The following CDH8 variants were observed in gnomAD, a reference collection of about 807,000 sequenced individuals.
The protein encoded by CDH8 is cadherin-8.
A neutral mutation model predicts 68.1 loss-of-function variants in CDH8; 17 were observed. The observed-to-expected ratio is 0.25, with a 90% CI of 0.17 to 0.37. The LOEUF is 0.37. Ranked by LOEUF, CDH8 falls within the 10% of genes least tolerant of loss-of-function variation. CDH8 has a pLI of 1.00. For synonymous variants in CDH8, 372 were observed against 365.1 expected (o/e 1.02, Z -0.21); for missense variants, 763 against 999.3 (o/e 0.76, Z 3.19).
chr16:61,939,155 T>C (rs780484101), intron 2 of CDH8, among the ~76,000 whole-genome samples: 4 of 152,184 alleles, frequency 2.6e-5, no homozygotes, highest in African/African-American at 7.2e-5. Flanking sequence ...TGGGTATCAA[T>C]ATAGATATTG....
At chr16:62,028,216 C>T (rs1486295189) in intron 1 of CDH8, among the ~76,000 whole-genome samples, 3 of 151,916 alleles carry the variant, frequency 2.0e-5, no homozygotes, top group Non-Finnish European at 4.4e-5. Context: ...AGGCACCCGC[C>T]ACAATGCCCG....
intron 8 of CDH8, among the ~76,000 whole-genome samples, chr16:61,733,587 T>C (rs550245013): frequency 2.0e-4 from 31 of 152,158 alleles, no homozygotes; most frequent in African/African-American, 7.2e-4. Context: ...CATTCATATA[T>C]CTAAAGTCAT....
intron 4 of CDH8, among the ~76,000 whole-genome samples, chr16:61,835,803 A>G (rs200464566): frequency 6.6e-6 from 1 of 151,962 alleles, no homozygotes; most frequent in East Asian, 1.9e-4. Flanking sequence ...GTCACTACAA[A>G]ATTGGATGCT....
At chr16:61,908,042 C>CAAAAAA (rs547459147) in intron 2 of CDH8, among the ~76,000 whole-genome samples, 2 of 91,608 alleles carry the variant, frequency 2.2e-5, no homozygotes, top group African/African-American at 4.1e-5. Context: ...GACTCAGTCT[C>CAAAAAA]AAAAAAAAAA....
chr16:61,710,440 A>G (rs114017403), intron 10 of CDH8, among the ~76,000 whole-genome samples: 57 of 152,204 alleles, frequency 3.7e-4, no homozygotes, highest in African/African-American at 1.3e-3. Context: ...ACATTATTCA[A>G]ATTAATTATC....
At chr16:61,858,016 T>C (rs1445724941) in intron 3 of CDH8, among the ~76,000 whole-genome samples, 3 of 151,766 alleles carry the variant, frequency 2.0e-5, no homozygotes, top group South Asian at 2.1e-4. Flanking sequence ...TTAAAAAAAA[T>C]AACTTCCACC....
chr16:61,754,817 G>C (rs1960269222), intron 8 of CDH8, among the ~76,000 whole-genome samples: 1 of 152,022 alleles, frequency 6.6e-6, no homozygotes, highest in Admixed American at 6.6e-5. Flanking sequence ...CAGGTTACCT[G>C]GGTATATTGT....
intron 2 of CDH8, among the ~76,000 whole-genome samples, chr16:61,951,021 G>A (rs563595499): frequency 5.3e-5 from 8 of 151,664 alleles, no homozygotes; most frequent in East Asian, 1.9e-4. Context: ...TAACAAACCT[G>A]TACACTTACC....
intron 3 of CDH8, among the ~76,000 whole-genome samples, chr16:61,888,482 T>A (rs1416887450): frequency 2.0e-5 from 3 of 152,182 alleles, no homozygotes; most frequent in Non-Finnish European, 4.4e-5. Flanking sequence ...TTGTTATGTA[T>A]GTAAGACTGT....
intron 10 of CDH8, among the ~76,000 whole-genome samples, chr16:61,687,300 C>A (rs527285677): frequency 6.6e-6 from 1 of 151,944 alleles, no homozygotes; most frequent in African/African-American, 2.4e-5. Context: ...AGAGTCAATT[C>A]TTTACTTAAT....
In CDH8 at chr16:61,868,860, A is replaced by G. The variant is rs545108281; in HGVS notation, c.548-11622T>C. Among the ~76,000 whole-genome samples the G allele has an allele frequency of 1.1e-4, 17 of 152,282 alleles. 1 individual carries two copies. In the South Asian group the frequency reaches 3.5e-3, roughly 32 times the overall value. The stretch of plus-strand genomic sequence containing the variant: ...AAAATCTTGGCAAACACAAAATAAT[A>G]TGTGAAAGGCTAAGCAATGGGTTTA... On this transcript the variant is annotated intron_variant, in intron 3 of 11. Coordinates refer to ENST00000577390, the MANE Select transcript of CDH8 (RefSeq NM_001796.5).
intron 2 of CDH8, among the ~76,000 whole-genome samples, chr16:61,917,897 G>A (rs926213966): frequency 1.3e-5 from 2 of 151,392 alleles, no homozygotes; most frequent in African/African-American, 2.4e-5. Flanking sequence ...AGCAGAACTC[G>A]TAGAATAGTC....
intron 2 of CDH8, among the ~76,000 whole-genome samples, chr16:61,919,804 G>C (rs75084632): frequency 0.1 from 15,398 of 152,036 alleles, 1,047 homozygotes; most frequent in East Asian, 0.29. Context: ...AAAGAACAAA[G>C]AAACAAAAGA....
At chr16:62,017,110 A>G (rs1901960410) in intron 2 of CDH8, among the ~76,000 whole-genome samples, 1 of 152,138 alleles carries the variant, frequency 6.6e-6, no homozygotes, top group Non-Finnish European at 1.5e-5. Context: ...TAAATTATTC[A>G]TTTATTTTTT....
chr16:61,689,238 A>T (rs1964169316), intron 10 of CDH8, among the ~76,000 whole-genome samples: 1 of 152,020 alleles, frequency 6.6e-6, no homozygotes, highest in African/African-American at 2.4e-5. Flanking sequence ...AATCAAAATG[A>T]TTCCAGTTTG....
intron 8 of CDH8, among the ~76,000 whole-genome samples, chr16:61,780,066 G>A (rs760927721): frequency 1.3e-5 from 2 of 152,116 alleles, no homozygotes; most frequent in Admixed American, 6.5e-5. Context: ...TTCTTTGCCT[G>A]GAAAATGCTT....
intron 2 of CDH8, among the ~76,000 whole-genome samples, chr16:61,922,816 A>C (rs1964392380): frequency 6.6e-6 from 1 of 152,208 alleles, no homozygotes; most frequent in Admixed American, 6.5e-5. Context: ...AAAACTCTAA[A>C]ATTTATAAAT....
chr16:61,665,752 TTTCCTTCCTTCCTTCCTTCCTTCC>T lies in CDH8; in HGVS notation c.1655-10055_1655-10032del, dbSNP rs35414891. On this transcript the variant is annotated intron_variant, in intron 10 of 11. Coordinates refer to ENST00000577390, the MANE Select transcript of CDH8 (RefSeq NM_001796.5). ...AATTTATCCCACAGTCTGAATTTAT[TTTCCTTCCTTCCTTCCTTCCTTCC>T]TTCCTTCCTTCCTTCCTTCCTTCCT... is the stretch of plus-strand genomic sequence containing the variant. Among the ~76,000 whole-genome samples, 775 of 99,738 alleles carry T rather than the reference TTTCCTTCCTTCCTTCCTTCCTTCC, an allele frequency of 7.8e-3. 8 individuals are homozygous for T. The highest frequency in any genetic ancestry group is 0.027 in the South Asian group (65 of 2,392). The allele number at this position is 99,738 out of a possible 152,430, so 65.4% of individuals were successfully genotyped here. A position where few individuals can be genotyped will look rare whatever the true frequency, so the allele number is the denominator to read the frequency against.
At chr16:61,877,936 T>C (rs1963493794) in intron 3 of CDH8, among the ~76,000 whole-genome samples, 1 of 152,194 alleles carries the variant, frequency 6.6e-6, no homozygotes. Context: ...ACCTTTGTGA[T>C]AGCTGAAAAA....
Sources: gnomAD v4.1 joint callset for allele counts (sites outside exome capture counted in the v4.1 genomes callset) on GRCh38, gnomAD v4.1.1 for gene constraint, MANE v1.5 for transcripts, NCBI Gene and HGNC (gene_info 2026-07-23, HGNC 2026-07-21) for gene names.